Variants in TMEM135 observed in about 807,000 individuals in gnomAD.
TMEM135 encodes the protein transmembrane protein 135.
Under a neutral mutation model 60.3 loss-of-function variants are expected in TMEM135, and 30 were observed. That is an observed-to-expected ratio of 0.50 (90% CI 0.37 to 0.68). TMEM135 has a LOEUF of 0.68. Among genes scored for constraint, TMEM135 ranks in the 30% least tolerant of loss-of-function variants. The pLI is 0.00. For missense variants in TMEM135, 468 were observed against 548.8 expected (o/e 0.85, Z 1.47); for synonymous variants, 190 against 186.7 (o/e 1.02, Z -0.14).
chr11:87,149,226 T>G (rs1292821189), intron 4 of TMEM135, among the ~76,000 whole-genome samples: 2 of 152,240 alleles, frequency 1.3e-5, no homozygotes, highest in South Asian at 4.1e-4. Context: ...CTTTCTATTT[T>G]TCTAATGCCA....
At chr11:87,222,782 G>A (rs1204893901) in intron 5 of TMEM135, among the ~76,000 whole-genome samples, 2 of 151,588 alleles carry the variant, frequency 1.3e-5, no homozygotes, top group Non-Finnish European at 2.9e-5. Flanking sequence ...TCCAGCCTGG[G>A]CAATAAGAGC....
chr11:87,155,221 ACTC>A (rs1313632031), intron 4 of TMEM135, among the ~76,000 whole-genome samples: 1 of 151,602 alleles, frequency 6.6e-6, no homozygotes, highest in Non-Finnish European at 1.5e-5. Flanking sequence ...CTGGTCTCGA[ACTC>A]CTGAACTCAG....
At chr11:87,247,841 G>A (rs1161313709) in intron 6 of TMEM135, among the ~76,000 whole-genome samples, 5 of 151,952 alleles carry the variant, frequency 3.3e-5, no homozygotes, top group Admixed American at 6.6e-5. Context: ...GCTTCGGCTT[G>A]CGTATGTTGC....
intron 10 of TMEM135, among the ~76,000 whole-genome samples, chr11:87,310,946 AGT>A (rs1034528361): frequency 6.6e-6 from 1 of 151,966 alleles, no homozygotes; most frequent in African/African-American, 2.4e-5. Context: ...ACATTAAAGG[AGT>A]GTGCATTTTT....
At chr11:87,287,734 A>G (rs1000213840) in intron 6 of TMEM135, among the ~76,000 whole-genome samples, 1 of 152,220 alleles carries the variant, frequency 6.6e-6, no homozygotes, top group African/African-American at 2.4e-5. Context: ...TTATCATTAT[A>G]GTTACCTAAT....
chr11:87,123,287 A>T (rs1445018427), intron 4 of TMEM135, among the ~76,000 whole-genome samples: 2 of 151,992 alleles, frequency 1.3e-5, no homozygotes, highest in Non-Finnish European at 2.9e-5. Context: ...GTTTCTAGGG[A>T]AGAATCCTTT....
chr11:87,068,771 A>T (rs1856715926), intron 2 of TMEM135, among the ~76,000 whole-genome samples: 1 of 148,738 alleles, frequency 6.7e-6, no homozygotes, highest in Non-Finnish European at 1.5e-5. Context: ...AGATCGCGCC[A>T]TTGCACTCCA....
chr11:87,216,600 G>T (rs546445948), intron 5 of TMEM135, among the ~76,000 whole-genome samples: 1 of 152,224 alleles, frequency 6.6e-6, no homozygotes, highest in African/African-American at 2.4e-5. Context: ...AGTTTTGCAG[G>T]TCTGGTTTTG....
chr11:87,071,376 GATA>G (rs1245867077), intron 2 of TMEM135, 144 bp from the exon 3 acceptor site: 1 of 662,274 alleles, frequency 1.5e-6, no homozygotes, highest in Non-Finnish European at 2.7e-6. Context: ...AGGGGAGACA[GATA>G]ATGAGTTTGA....
intron 6 of TMEM135, among the ~76,000 whole-genome samples, chr11:87,288,449 A>C (rs1009052647): frequency 6.6e-6 from 1 of 152,186 alleles, no homozygotes; most frequent in Non-Finnish European, 1.5e-5. Flanking sequence ...AGCAACTAGT[A>C]ATCTTAACAC....
intron 6 of TMEM135, among the ~76,000 whole-genome samples, chr11:87,248,480 G>C (rs1388945782): frequency 3.9e-5 from 6 of 152,126 alleles, no homozygotes; most frequent in Non-Finnish European, 7.4e-5. Flanking sequence ...TTATATACCT[G>C]CTTGCCATTT....
Position 87,161,961 on chromosome 11 carries a change from G to A in TMEM135, c.462+4555G>A, listed in dbSNP as rs866017308. Among the ~76,000 whole-genome samples the A allele has an allele frequency of 7.2e-5, 11 of 152,028 alleles. 1 individual carries two copies. Among genetic ancestry groups the A allele is most frequent in the East Asian group, 1.9e-4 (1 of 5,196 alleles). The stretch of plus-strand genomic sequence containing the variant: ...GATGCATCAATGAATAAAACTGGCC[G>A]GTATCTCTAGCCTTGGGGAGCTTAT... On this transcript the variant is annotated intron_variant, in intron 5 of 14. Transcript: ENST00000305494.
chr11:87,197,953 T>A (rs1022999681), intron 5 of TMEM135, among the ~76,000 whole-genome samples: 6 of 114,824 alleles, frequency 5.2e-5, no homozygotes, highest in Non-Finnish European at 1.2e-4. Context: ...TTATTTTTAT[T>A]TTTTTAGGTA....
chr11:87,073,759 C>T (rs1339062832), intron 3 of TMEM135, among the ~76,000 whole-genome samples: 1 of 151,988 alleles, frequency 6.6e-6, no homozygotes, highest in Non-Finnish European at 1.5e-5. Flanking sequence ...CTTCTGCCTC[C>T]CAGGTTCAAG....
intron 4 of TMEM135, among the ~76,000 whole-genome samples, chr11:87,155,829 TTAAG>T (rs1370618047): frequency 6.6e-6 from 1 of 152,190 alleles, no homozygotes; most frequent in Non-Finnish European, 1.5e-5. Context: ...CAGGATCTGT[TTAAG>T]TATTCCATAT....
intron 6 of TMEM135, among the ~76,000 whole-genome samples, chr11:87,281,612 G>C (rs889652059): frequency 1.3e-5 from 2 of 152,154 alleles, no homozygotes; most frequent in African/African-American, 4.8e-5. Context: ...TTATATACTT[G>C]GCGTGTATGG....
intron 5 of TMEM135, 139 bp downstream of exon 5, chr11:87,157,545 A>G (rs1938735581): frequency 2.8e-6 from 2 of 703,172 alleles, no homozygotes; most frequent in Non-Finnish European, 4.8e-6. Context: ...AGTGTACCTG[A>G]TGAACAAATC....
chr11:87,270,345 T>C (rs1032920926), intron 6 of TMEM135, among the ~76,000 whole-genome samples: 2 of 152,088 alleles, frequency 1.3e-5, no homozygotes, highest in African/African-American at 4.8e-5. Context: ...AGCTCTTTAG[T>C]TTAATGAGAT....
chr11:87,072,109 C>T (rs1951128688), intron 3 of TMEM135, among the ~76,000 whole-genome samples: 2 of 152,170 alleles, frequency 1.3e-5, no homozygotes, highest in Admixed American at 6.6e-5. Context: ...GGGAGGATCA[C>T]CCGAGTCCCC....
Sources: allele counts gnomAD v4.1 joint callset (sites outside exome capture counted in the v4.1 genomes callset), GRCh38; gene constraint gnomAD v4.1.1; transcripts MANE v1.5; gene names NCBI Gene and HGNC (gene_info 2026-07-23, HGNC 2026-07-21).